Variants in ETV1 observed in about 807,000 individuals in gnomAD.
ETV1 encodes the protein ETS translocation variant 1.
ETV1 carries 27 observed loss-of-function variants against 62.3 expected under a neutral mutation model. The ratio of observed to expected loss-of-function variants is 0.43; its 90% CI spans 0.32 to 0.60. The LOEUF is 0.60. Among genes scored for constraint, ETV1 ranks in the 20% least tolerant of loss-of-function variants. ETV1 has a pLI of 0.06. For missense variants in ETV1, 605 were observed against 605.8 expected (o/e 1.00, Z 0.01); for synonymous variants, 222 against 199.6 (o/e 1.11, Z -0.94).
At chr7:13,947,380 A>C (rs1269273694) in intron 6 of ETV1, among the ~76,000 whole-genome samples, 1 of 143,900 alleles carries the variant, frequency 6.9e-6, no homozygotes, top group East Asian at 2.1e-4. Flanking sequence ...CTAATAGAAA[A>C]CACTAACTAT....
At chr7:13,989,794 G>A (rs1782882613), upstream of ETV1, 4 of 393,026 alleles carry the variant, frequency 1.0e-5, no homozygotes, top group Non-Finnish European at 1.8e-5. Context: ...CTGTCAATCA[G>A]GCGGCTTGCT....
intron 6 of ETV1, among the ~76,000 whole-genome samples, chr7:13,940,452 T>C (rs1403363496): frequency 6.6e-6 from 1 of 151,946 alleles, no homozygotes; most frequent in Non-Finnish European, 1.5e-5. Flanking sequence ...CTATTAGAAA[T>C]CTTATCAGAA....
At chr7:13,926,310 T>C in intron 9 of ETV1, among the ~76,000 whole-genome samples, 1 of 152,048 alleles carries the variant, frequency 6.6e-6, no homozygotes, top group East Asian at 1.9e-4. Flanking sequence ...CACTACTCCC[T>C]AAAAAAATCT....
At chr7:13,986,592 CCTT>C in intron 5 of ETV1, 43 bp downstream of exon 5, 3 of 1,607,808 alleles carry the variant, frequency 1.9e-6, no homozygotes, top group Non-Finnish European at 2.5e-6. Context: ...TTTTCTTTCT[CCTT>C]CTAGAGTTGC....
At chr7:13,961,924 T>A (rs1246279114) in intron 6 of ETV1, among the ~76,000 whole-genome samples, 1 of 152,162 alleles carries the variant, frequency 6.6e-6, no homozygotes, top group African/African-American at 2.4e-5. Context: ...TTGTTACAAC[T>A]ATTTACAGTA....
intron 6 of ETV1, among the ~76,000 whole-genome samples, chr7:13,956,158 G>A (rs998607008): frequency 1.6e-4 from 24 of 152,230 alleles, no homozygotes; most frequent in East Asian, 7.7e-4. Flanking sequence ...ATAAAATCAA[G>A]TATTATACAA....
At chr7:13,943,110 T>G (rs1787755364) in intron 6 of ETV1, among the ~76,000 whole-genome samples, 1 of 152,048 alleles carries the variant, frequency 6.6e-6, no homozygotes, top group Non-Finnish European at 1.5e-5. Context: ...AAATAAGAAT[T>G]GCAAAATATC....
At chr7:13,916,506 C>T (rs1298548936) in intron 9 of ETV1, among the ~76,000 whole-genome samples, 5 of 151,626 alleles carry the variant, frequency 3.3e-5, no homozygotes, top group South Asian at 2.1e-4. Flanking sequence ...GGCATGGTGG[C>T]GCGTGCCTGT....
intron 6 of ETV1, among the ~76,000 whole-genome samples, chr7:13,941,170 A>G (rs1486277182): frequency 6.6e-6 from 1 of 152,234 alleles, no homozygotes; most frequent in East Asian, 1.9e-4. Flanking sequence ...AAAAGGCTTA[A>G]GAGCCTCAAG....
rs779021297 is a variant in ETV1, at chr7:13,931,665, G to T, written c.639C>A (p.Arg213=). The change falls in exon 9 of 14, where the codon CGC becomes CGA. Residue 213 remains arginine, a synonymous_variant. Coordinates refer to ENST00000430479, the MANE Select transcript of ETV1 (RefSeq NM_004956.5). ...MPREGRPMYQ[R]QMSEPNIPFP... ...AGGGGATGTTTGGCTCAGACATCTG[G>T]CGTTGGTACATAGGACGTCCTTCCC... 1 of 1,613,968 alleles carries T rather than the reference G, an allele frequency of 6.2e-7. No homozygotes were observed. Among genetic ancestry groups the T allele is most frequent in the East Asian group, 2.2e-5 (1 of 44,880 alleles).
At chr7:13,936,510 G>T (rs1439954320) in intron 7 of ETV1, among the ~76,000 whole-genome samples, 1 of 152,112 alleles carries the variant, frequency 6.6e-6, no homozygotes, top group Non-Finnish European at 1.5e-5. Context: ...CTTTCTTAGA[G>T]AATAAGTAAA....
At chr7:13,978,519 C>T (rs12531288) in intron 5 of ETV1, among the ~76,000 whole-genome samples, 90,518 of 151,668 alleles carry the variant, frequency 0.6, 27,660 homozygotes, top group African/African-American at 0.72. Context: ...AGTATTACTT[C>T]ATTAGTGTTA....
At chr7:13,897,091 G>A (rs923832968) in intron 13 of ETV1, among the ~76,000 whole-genome samples, 2 of 151,758 alleles carry the variant, frequency 1.3e-5, no homozygotes, top group East Asian at 3.9e-4. Context: ...ATAAACAACT[G>A]AGTGAGATGA....
intron 11 of ETV1, among the ~76,000 whole-genome samples, chr7:13,907,062 T>C (rs77868076): frequency 0.069 from 10,437 of 152,200 alleles, 510 homozygotes; most frequent in Non-Finnish European, 0.096. Flanking sequence ...AATTTATAAA[T>C]ATCTTATTGA....
chr7:13,904,618 C>A (rs532052914), intron 12 of ETV1, among the ~76,000 whole-genome samples: 10 of 152,016 alleles, frequency 6.6e-5, no homozygotes, highest in Middle Eastern at 3.4e-3. Context: ...ATGGCAGGAA[C>A]AACAACAAAA....
At chr7:13,960,520 C>A (rs1790045279) in intron 6 of ETV1, among the ~76,000 whole-genome samples, 1 of 152,106 alleles carries the variant, frequency 6.6e-6, no homozygotes. Context: ...AGTTCAAAAT[C>A]ACAAAAATAG....
chr7:13,900,768 G>C lies in ETV1; in HGVS notation c.1182C>G (p.Arg394=). The C allele has an allele frequency of 6.2e-7, 1 of 1,610,958 alleles. No homozygotes were observed. The highest frequency in any genetic ancestry group is 1.1e-5 in the South Asian group (1 of 90,180). The change falls in exon 13 of 14, where the codon CGC becomes CGG. Residue 394 remains arginine (R), a synonymous_variant. Transcript: ENST00000430479. Reference sequence around the variant, plus strand: ...GCATAATTCCTTTCTCATAGTAATAGCGGAGTGAACGGCTAAGTTTATCAT... The same window carrying C: ...GCATAATTCCTTTCTCATAGTAATACCGGAGTGAACGGCTAAGTTTATCAT... ...MNYDKLSRSL[R]YYYEKGIMQK... is the part of the protein sequence containing the mutation.
intron 5 of ETV1, among the ~76,000 whole-genome samples, chr7:13,981,477 T>A (rs1428867508): frequency 6.6e-6 from 1 of 151,834 alleles, no homozygotes; most frequent in Non-Finnish European, 1.5e-5. Flanking sequence ...AAGGAACACA[T>A]TTAAATAAAT....
chr7:13,931,021 C>T (rs1326232329), intron 9 of ETV1, among the ~76,000 whole-genome samples: 6 of 150,710 alleles, frequency 4.0e-5, no homozygotes, highest in East Asian at 2.0e-4. Context: ...AGGGTGGCCT[C>T]GATCTCGGTC....
Sources: allele counts gnomAD v4.1 joint callset (sites outside exome capture counted in the v4.1 genomes callset), GRCh38; gene constraint gnomAD v4.1.1; transcripts MANE v1.5; gene names NCBI Gene and HGNC (gene_info 2026-07-23, HGNC 2026-07-21).